AVEN: variants seen among roughly 807,000 people sequenced by gnomAD.
The protein encoded by AVEN is apoptosis and caspase activation inhibitor, also known as cell death regulator Aven.
Under a neutral mutation model 38.1 loss-of-function variants are expected in AVEN, and 41 were observed. That is an observed-to-expected ratio of 1.08 (90% CI 0.84 to 1.40). The LOEUF (loss-of-function observed/expected upper bound fraction) is 1.40, where lower values mean the gene tolerates loss of function less well. Among genes scored for constraint, AVEN ranks in the 40% most tolerant of loss-of-function variants. The probability of loss-of-function intolerance (pLI) is 0.00; values close to 1 mark genes in which losing one functional copy is unlikely to be tolerated. For missense variants in AVEN, 605 were observed against 438.8 expected, an observed-to-expected ratio of 1.38 and a Z score of -3.38; for synonymous variants, 206 against 171.8, an observed-to-expected ratio of 1.20 and a Z score of -1.56.
At chr15:33,892,204 T>C (rs1892007347) in intron 2 of AVEN, among the ~76,000 whole-genome samples, 1 of 152,336 alleles carries the variant, frequency 6.6e-6, no homozygotes, top group South Asian at 2.1e-4. Context: ...GTAGTTTCTT[T>C]TGCTGTGCAG....
chr15:33,862,739 T>C (rs1318871143), downstream of AVEN, among the ~76,000 whole-genome samples: 3 of 152,058 alleles, frequency 2.0e-5, no homozygotes, highest in Non-Finnish European at 4.4e-5. Context: ...GCCTCCTGAG[T>C]AGCTGGGACT....
Position 33,866,421 on chromosome 15 carries a change from C to A in AVEN, c.*192G>T. 1 of 584,518 alleles carries A rather than the reference C, an allele frequency of 1.7e-6. No homozygotes were observed. Among genetic ancestry groups the A allele is most frequent in the Non-Finnish European group, 3.0e-6 (1 of 330,478 alleles). 36.2% of individuals were successfully genotyped at this position (584,518 alleles called of 1,614,324 possible). On this transcript the variant is annotated 3_prime_UTR_variant, in exon 6 of 6. Transcript: ENST00000306730. ...CTATTAGATTACTAAGCCAGAAAAA[C>A]AAATGCAACAAGCTGCTTCAATGTA...
intron 2 of AVEN, among the ~76,000 whole-genome samples, chr15:33,984,367 C>CA (rs1333761729): frequency 2.4e-4 from 37 of 151,428 alleles, no homozygotes; most frequent in Non-Finnish European, 1.2e-4. Flanking sequence ...TCTGCAAACT[C>CA]AGTCACTTTC....
At chr15:33,863,801 T>C (rs190838538), downstream of AVEN, among the ~76,000 whole-genome samples, 8 of 152,340 alleles carry the variant, frequency 5.3e-5, no homozygotes, top group East Asian at 1.5e-3. Context: ...TTAAATATTC[T>C]ATGGTAAGAA....
intron 2 of AVEN, among the ~76,000 whole-genome samples, chr15:33,985,702 A>C (rs1211635809): frequency 2.6e-5 from 4 of 152,052 alleles, no homozygotes; most frequent in Non-Finnish European, 5.9e-5. Context: ...CTGATTCCTT[A>C]GTGTTTGGTA....
chr15:33,935,191 T>C (rs550540050), intron 2 of AVEN, among the ~76,000 whole-genome samples: 1 of 152,326 alleles, frequency 6.6e-6, no homozygotes, highest in East Asian at 1.9e-4. Context: ...AGACACTTAA[T>C]TGAAAACATC....
At chr15:34,027,552 G>T (rs1268234303) in intron 1 of AVEN, among the ~76,000 whole-genome samples, 1 of 132,294 alleles carries the variant, frequency 7.6e-6, no homozygotes, top group African/African-American at 2.5e-5. Flanking sequence ...GAAAGAAAAC[G>T]AACAGCCTCA....
At chr15:34,055,930 A>T (rs1486853594) in intron 5 of AVEN, among the ~76,000 whole-genome samples, 2 of 152,216 alleles carry the variant, frequency 1.3e-5, no homozygotes, top group South Asian at 2.1e-4. Flanking sequence ...AGACACACTG[A>T]TTACAAAATC....
chr15:33,890,616 A>C (rs1265915262), intron 2 of AVEN, among the ~76,000 whole-genome samples: 1 of 151,976 alleles, frequency 6.6e-6, no homozygotes, highest in Non-Finnish European at 1.5e-5. Flanking sequence ...AAATCAAATA[A>C]CTCAAATAAG....
chr15:33,894,094 T>C (rs1892104515), intron 2 of AVEN, among the ~76,000 whole-genome samples: 1 of 151,786 alleles, frequency 6.6e-6, no homozygotes, highest in Non-Finnish European at 1.5e-5. Context: ...GGACTACAAG[T>C]CAGCACAACC....
intron 2 of AVEN, among the ~76,000 whole-genome samples, chr15:33,990,344 T>C (rs983137205): frequency 7.2e-5 from 11 of 151,984 alleles, no homozygotes; most frequent in African/African-American, 2.4e-4. Flanking sequence ...ATCACGCCAC[T>C]GCCCTCCAGC....
intron 2 of AVEN, among the ~76,000 whole-genome samples, chr15:33,942,537 G>GC (rs1894356486): frequency 1.3e-5 from 2 of 151,568 alleles, no homozygotes; most frequent in African/African-American, 2.4e-5. Context: ...TGCAAGCTCC[G>GC]CCCCCCGGAT....
chr15:33,984,345 C>T (rs1449071198), intron 2 of AVEN, among the ~76,000 whole-genome samples: 1 of 151,464 alleles, frequency 6.6e-6, no homozygotes, highest in Non-Finnish European at 1.5e-5. Flanking sequence ...AGTTAATCTA[C>T]ATACAAGATA....
At chr15:33,980,640 G>T (rs1012943150) in intron 2 of AVEN, among the ~76,000 whole-genome samples, 2 of 151,108 alleles carry the variant, frequency 1.3e-5, no homozygotes, top group African/African-American at 4.9e-5. Flanking sequence ...AAAGAAAAGG[G>T]AGTGACACAC....
intron 2 of AVEN, among the ~76,000 whole-genome samples, chr15:33,988,747 C>T (rs1350552515): frequency 1.3e-5 from 2 of 152,192 alleles, no homozygotes; most frequent in Non-Finnish European, 2.9e-5. Context: ...AACAGAATTA[C>T]AGGGTTGAAA....
intron 2 of AVEN, among the ~76,000 whole-genome samples, chr15:33,917,457 C>CAT (rs1305111906): frequency 2.3e-4 from 34 of 147,970 alleles, no homozygotes; most frequent in Non-Finnish European, 4.3e-4. Context: ...TACACACACA[C>CAT]ATATATATAC....
At chr15:33,864,878 G>GATTGGTTTCAGTTTTGCTTGT, downstream of AVEN, 1 of 448,762 alleles carries the variant, frequency 2.2e-6, no homozygotes, top group South Asian at 4.3e-5. Context: ...GGCAAACATT[G>GATTGGTTTCAGTTTTGCTTGT]ATTGGTTTCA....
intron 2 of AVEN, among the ~76,000 whole-genome samples, chr15:33,917,123 C>T (rs1893168222): frequency 6.6e-6 from 1 of 152,048 alleles, no homozygotes; most frequent in Non-Finnish European, 1.5e-5. Flanking sequence ...GGTGGGGACA[C>T]AGTCAAACCA....
intron 2 of AVEN, among the ~76,000 whole-genome samples, chr15:33,883,270 A>C (rs1420991561): frequency 6.6e-6 from 1 of 152,228 alleles, no homozygotes. Flanking sequence ...GGAATAACCA[A>C]AAAGCTGACG....
Sources: allele counts gnomAD v4.1 joint callset (sites outside exome capture counted in the v4.1 genomes callset), GRCh38; gene constraint gnomAD v4.1.1; transcripts MANE v1.5; gene names NCBI Gene and HGNC (gene_info 2026-07-23, HGNC 2026-07-21).